The following GLRA3 variants were observed in gnomAD, a reference collection of about 807,000 sequenced individuals.
The protein encoded by GLRA3 is glycine receptor subunit alpha-3.
A neutral mutation model predicts 60.4 loss-of-function variants in GLRA3; 44 were observed. The ratio of observed to expected loss-of-function variants is 0.73; its 90% CI spans 0.57 to 0.94. The LOEUF (loss-of-function observed/expected upper bound fraction) is 0.94, where lower values mean the gene tolerates loss of function less well. GLRA3 is among the 40% of genes least tolerant of loss of function. The probability of loss-of-function intolerance (pLI) is 0.00; values close to 1 mark genes in which losing one functional copy is unlikely to be tolerated. For synonymous variants in GLRA3, 223 were observed against 192.9 expected, an observed-to-expected ratio of 1.16 and a Z score of -1.29; for missense variants, 508 against 564.6, an observed-to-expected ratio of 0.90 and a Z score of 1.02.
At chr4:174,747,229 G>A (rs1409338938) in intron 3 of GLRA3, among the ~76,000 whole-genome samples, 2 of 152,092 alleles carry the variant, frequency 1.3e-5, no homozygotes, top group Non-Finnish European at 2.9e-5. Flanking sequence ...AGGACATAAG[G>A]GCAGTGGTGG....
chr4:174,801,182 A>C lies in GLRA3; in HGVS notation c.72-12239T>G, dbSNP rs143643598. On this transcript the variant is annotated intron_variant, in intron 1 of 9. Coordinates refer to ENST00000274093, the MANE Select transcript of GLRA3 (RefSeq NM_006529.4). ...TGAGCAACATCTGTATTTACTCTTG[A>C]ATCCACACCAGCCTCTTTCACCACT... Among the ~76,000 whole-genome samples, 891 of 152,162 alleles carry C rather than the reference A, an allele frequency of 5.9e-3. 13 individuals are homozygous for C. The highest frequency in any genetic ancestry group is 0.02 in the African/African-American group (827 of 41,556).
intron 9 of GLRA3, among the ~76,000 whole-genome samples, 183 bp from the exon 10 acceptor site, chr4:174,644,247 C>T (rs1291144471): frequency 6.6e-6 from 1 of 151,804 alleles, no homozygotes; most frequent in Non-Finnish European, 1.5e-5. Context: ...ATTTATCTTG[C>T]TGCATTGTAT....
intron 3 of GLRA3, among the ~76,000 whole-genome samples, chr4:174,750,253 T>C (rs918216918): frequency 6.6e-6 from 1 of 152,154 alleles, no homozygotes; most frequent in Non-Finnish European, 1.5e-5. Flanking sequence ...CTGATTGCTA[T>C]AGGTGTGTTT....
At chr4:174,665,237 C>CTTTTTTTTTTTTTTT (rs34499494) in intron 7 of GLRA3, among the ~76,000 whole-genome samples, 1 of 127,488 alleles carries the variant, frequency 7.8e-6, no homozygotes, top group African/African-American at 3.0e-5. Flanking sequence ...TTTGTATTTA[C>CTTTTTTTTTTTTTTT]TTTTTTTTTT....
Position 174,719,026 on chromosome 4 carries a change from A to G in GLRA3, c.492-3456T>C, listed in dbSNP as rs182520855. On this transcript the variant is annotated intron_variant, in intron 4 of 9. Transcript: ENST00000274093. The stretch of plus-strand genomic sequence containing the variant: ...CGCCCAGGCTGGAGTGCAGTGGCGC[A>G]ATCTCGGCTCACTGCAGGCTCCGCC... 7.0e-3 allele frequency among the ~76,000 whole-genome samples: 938 copies of G among 133,432 alleles called. 14 individuals are homozygous for G. Among genetic ancestry groups the G allele is most frequent in the Non-Finnish European group, 0.011 (707 of 65,204 alleles). 87.5% of individuals were successfully genotyped at this position (133,432 alleles called of 152,430 possible). A position where few individuals can be genotyped will look rare whatever the true frequency, so the allele number is the denominator to read the frequency against.
chr4:174,699,251 C>T (rs998172392), intron 5 of GLRA3, among the ~76,000 whole-genome samples: 2 of 152,154 alleles, frequency 1.3e-5, no homozygotes, highest in Non-Finnish European at 2.9e-5. Flanking sequence ...ATCAACCCGT[C>T]TCAGCCTCCC....
chr4:174,697,571 G>A (rs935734427), intron 5 of GLRA3, among the ~76,000 whole-genome samples: 2 of 152,032 alleles, frequency 1.3e-5, no homozygotes, highest in African/African-American at 4.8e-5. Flanking sequence ...TTAAATTATT[G>A]GTCTGGTAAA....
intron 5 of GLRA3, among the ~76,000 whole-genome samples, chr4:174,684,254 A>G (rs2110980912): frequency 6.6e-6 from 1 of 152,306 alleles, no homozygotes; most frequent in Admixed American, 6.5e-5. Flanking sequence ...CCCCTCATGA[A>G]AATAAATAAC....
intron 1 of GLRA3, among the ~76,000 whole-genome samples, chr4:174,809,129 C>T (rs980589168): frequency 6.6e-6 from 1 of 152,082 alleles, no homozygotes; most frequent in African/African-American, 2.4e-5. Flanking sequence ...TTGCTTTTAC[C>T]TTTAGCAAAC....
chr4:174,653,399 G>A (rs1390660807), intron 9 of GLRA3, among the ~76,000 whole-genome samples: 1 of 151,794 alleles, frequency 6.6e-6, no homozygotes, highest in Non-Finnish European at 1.5e-5. Flanking sequence ...AATTATAGAT[G>A]AGGTTTAAAA....
At chr4:174,813,014 G>T (rs923031207) in intron 1 of GLRA3, among the ~76,000 whole-genome samples, 4 of 152,082 alleles carry the variant, frequency 2.6e-5, no homozygotes, top group Non-Finnish European at 5.9e-5. Context: ...TAGAGACTGT[G>T]CTTTGTACAA....
At chr4:174,698,640 T>C (rs1315043737) in intron 5 of GLRA3, among the ~76,000 whole-genome samples, 1 of 152,214 alleles carries the variant, frequency 6.6e-6, no homozygotes, top group Non-Finnish European at 1.5e-5. Flanking sequence ...CTGGAAGCAT[T>C]TGAAGAGTAT....
intron 3 of GLRA3, among the ~76,000 whole-genome samples, chr4:174,758,778 C>T (rs1394039597): frequency 1.3e-5 from 2 of 152,022 alleles, no homozygotes; most frequent in African/African-American, 4.8e-5. Flanking sequence ...TAGACCTAAA[C>T]TATTCTAAAA....
chr4:174,778,342 CT>C (rs1012707870), intron 2 of GLRA3, among the ~76,000 whole-genome samples: 1 of 151,096 alleles, frequency 6.6e-6, no homozygotes, highest in Non-Finnish European at 1.5e-5. Flanking sequence ...CTTTTCTTTT[CT>C]TTTTTTTTCT....
rs1732515722 is a variant in GLRA3 at position 174,637,196 on chromosome 4, T to C, written c.*6590A>G. On this transcript the variant is annotated 3_prime_UTR_variant, in exon 10 of 10. Transcript: ENST00000274093. ...GAAGACAGAAAAATAATTTACACCA[T>C]AAAAACCATAAAATAGCAATACTTC... 1 of 152,100 alleles carries C rather than the reference T, an allele frequency of 6.6e-6. No individual in the cohort carries two copies. 9.4% of individuals were successfully genotyped at this position (152,100 alleles called of 1,614,324 possible).
At chr4:174,664,998 GAT>G (rs1164034150) in intron 7 of GLRA3, among the ~76,000 whole-genome samples, 1 of 152,042 alleles carries the variant, frequency 6.6e-6, no homozygotes, top group Non-Finnish European at 1.5e-5. Context: ...ACATACATAA[GAT>G]AATTTAAAAG....
chr4:174,774,957 C>T (rs765256656), intron 2 of GLRA3, among the ~76,000 whole-genome samples: 1 of 152,222 alleles, frequency 6.6e-6, no homozygotes, highest in East Asian at 1.9e-4. Context: ...AGAAAAAAAG[C>T]TTTTGCACTT....
intron 5 of GLRA3, among the ~76,000 whole-genome samples, chr4:174,689,537 A>G (rs935494832): frequency 1.3e-5 from 2 of 151,972 alleles, no homozygotes; most frequent in Non-Finnish European, 2.9e-5. Context: ...AATGTACATT[A>G]TATCCATTAA....
At position 174,780,707 on chromosome 4, in the gene GLRA3, G is replaced by C. The variant is rs1329853146; in HGVS notation, c.199+8109C>G. On this transcript the variant is annotated intron_variant, in intron 2 of 9. Coordinates refer to ENST00000274093, the MANE Select transcript of GLRA3 (RefSeq NM_006529.4). ...GACTTTAAACCAACAAAGATCAAAA[G>C]AGACAAAGAAGGCCATTACATAATG... Among the ~76,000 whole-genome samples the C allele has an allele frequency of 4.5e-3, 683 of 151,264 alleles. 5 individuals carry two copies. The highest frequency in any genetic ancestry group is 0.016 in the African/African-American group (655 of 41,130).
Sources: gnomAD v4.1 joint callset for allele counts (sites outside exome capture counted in the v4.1 genomes callset) on GRCh38, gnomAD v4.1.1 for gene constraint, MANE v1.5 for transcripts, NCBI Gene and HGNC (gene_info 2026-07-23, HGNC 2026-07-21) for gene names.